SBF2: variants seen among roughly 807,000 people sequenced by gnomAD.
SBF2 encodes myotubularin-related protein 13.
SBF2 carries 112 observed loss-of-function variants against 225.2 expected under a neutral mutation model. The ratio of observed to expected loss-of-function variants is 0.50; its 90% CI spans 0.43 to 0.58. The LOEUF (loss-of-function observed/expected upper bound fraction) is 0.58. Ranked by LOEUF, SBF2 falls within the 20% of genes least tolerant of loss-of-function variation. The pLI is 0.00. For missense variants in SBF2, 1,996 were observed against 2,206.2 expected (o/e 0.90, Z 1.91); for synonymous variants, 763 against 773.3 (o/e 0.99, Z 0.22).
chr11:10,108,244 G>A (rs1952644052), intron 2 of SBF2, among the ~76,000 whole-genome samples: 1 of 152,128 alleles, frequency 6.6e-6, no homozygotes, highest in African/African-American at 2.4e-5. Flanking sequence ...ATAAATGACA[G>A]AGGCTAAGGA....
chr11:9,889,759 T>C (rs2134114491), intron 17 of SBF2, among the ~76,000 whole-genome samples: 1 of 152,304 alleles, frequency 6.6e-6, no homozygotes, highest in Non-Finnish European at 1.5e-5. Context: ...TATTGTATGA[T>C]TCCCTTTAAA....
At chr11:10,114,554 T>G (rs749900966) in intron 2 of SBF2, among the ~76,000 whole-genome samples, 1 of 152,222 alleles carries the variant, frequency 6.6e-6, no homozygotes, top group Non-Finnish European at 1.5e-5. Flanking sequence ...TGCATGATTA[T>G]AAAATACTAT....
chr11:10,081,386 G>A (rs1951357154), intron 2 of SBF2, among the ~76,000 whole-genome samples: 1 of 152,058 alleles, frequency 6.6e-6, no homozygotes, highest in African/African-American at 2.4e-5. Flanking sequence ...GAATGAAAAT[G>A]GAGACACAAC....
chr11:9,830,111 A>G (rs916992984), intron 27 of SBF2, among the ~76,000 whole-genome samples: 12 of 152,212 alleles, frequency 7.9e-5, no homozygotes, highest in African/African-American at 2.9e-4. Context: ...AAGTATACAC[A>G]ATTGTGAGAG....
chr11:9,889,753 G>T (rs1395802658), intron 17 of SBF2, among the ~76,000 whole-genome samples: 1 of 152,098 alleles, frequency 6.6e-6, no homozygotes, highest in African/African-American at 2.4e-5. Flanking sequence ...AACATATATT[G>T]TATGATTCCC....
intron 1 of SBF2, among the ~76,000 whole-genome samples, chr11:10,196,770 T>A (rs1338027641): frequency 6.7e-6 from 1 of 148,844 alleles, no homozygotes; most frequent in East Asian, 2.0e-4. Flanking sequence ...GCACCCATAA[T>A]CCCACACCTG....
intron 26 of SBF2, among the ~76,000 whole-genome samples, chr11:9,834,648 G>C (rs1056751137): frequency 5.9e-5 from 9 of 152,120 alleles, no homozygotes; most frequent in African/African-American, 2.2e-4. Flanking sequence ...CTGAATTTTT[G>C]TAATACCACA....
At chr11:9,925,572 G>A (rs954509727) in intron 16 of SBF2, among the ~76,000 whole-genome samples, 4 of 152,144 alleles carry the variant, frequency 2.6e-5, no homozygotes, top group East Asian at 3.9e-4. Context: ...CACCGTGCCC[G>A]TCCACTAATG....
At chr11:9,985,835 G>A (rs1947176570) in intron 13 of SBF2, among the ~76,000 whole-genome samples, 1 of 152,158 alleles carries the variant, frequency 6.6e-6, no homozygotes, top group Middle Eastern at 3.4e-3. Context: ...AATAATAGTG[G>A]GGGACGTCAA....
intron 6 of SBF2, among the ~76,000 whole-genome samples, chr11:10,003,009 C>A (rs1424085176): frequency 2.0e-5 from 3 of 152,134 alleles, no homozygotes; most frequent in Admixed American, 6.5e-5. Context: ...TAAAAACTAA[C>A]CCCTGCAGAG....
chr11:10,133,270 G>A lies in SBF2; in HGVS notation c.141+60632C>T, dbSNP rs2135106820. Among the ~76,000 whole-genome samples, 2 of 149,596 alleles carry A rather than the reference G, an allele frequency of 1.3e-5. 1 individual carries two copies. The highest frequency in any genetic ancestry group is 1.4e-4 in the Admixed American group (2 of 14,802). The stretch of plus-strand genomic sequence containing the variant: ...AGTGGATCCCGCGTAGGGGCTGCAG[G>A]TGGAGCTGCCTGCCAGTCCTGCGCC... On this transcript the variant is annotated intron_variant, in intron 2 of 39. Transcript: ENST00000256190.
At chr11:10,193,351 CTTT>C (rs60903141) in intron 2 of SBF2, among the ~76,000 whole-genome samples, 2 of 110,496 alleles carry the variant, frequency 1.8e-5, no homozygotes, top group African/African-American at 3.4e-5. Context: ...TCAATTTCAT[CTTT>C]TTTTTTTTTT....
chr11:9,981,689 A>G (rs973716695), intron 13 of SBF2, among the ~76,000 whole-genome samples: 1 of 138,662 alleles, frequency 7.2e-6, no homozygotes, highest in Non-Finnish European at 1.6e-5. Flanking sequence ...ATATGGCTTT[A>G]AATTTAGATC....
rs1856412503 is a variant in SBF2 at position 9,844,696 on chromosome 11, T to C, written c.3110+869A>G. Among the ~76,000 whole-genome samples the C allele has an allele frequency of 2.0e-5, 3 of 152,154 alleles. No individual in the cohort carries two copies. In the South Asian group the frequency reaches 6.2e-4, roughly 32 times the overall value. ...TAGACTCTGGGTTAGATAAAAGTTTTATATTAATTAAATTTTCTGGCTTTG... is the reference window on the plus strand; with the variant it reads ...TAGACTCTGGGTTAGATAAAAGTTTCATATTAATTAAATTTTCTGGCTTTG... On this transcript the variant is annotated intron_variant, in intron 24 of 39. Coordinates refer to ENST00000256190, the MANE Select transcript of SBF2 (RefSeq NM_030962.4).
intron 13 of SBF2, among the ~76,000 whole-genome samples, chr11:9,972,655 G>T (rs930058068): frequency 6.6e-5 from 10 of 152,212 alleles, no homozygotes; most frequent in Admixed American, 6.5e-4. Context: ...TAATTCTTTT[G>T]TATTTTTAGT....
intron 1 of SBF2, among the ~76,000 whole-genome samples, chr11:10,282,809 ACCCC>A: frequency 6.6e-6 from 1 of 151,946 alleles, no homozygotes; most frequent in Non-Finnish European, 1.5e-5. Context: ...TTTTCAACAG[ACCCC>A]ACCATCTATA....
At chr11:9,908,013 C>G (rs908130438) in intron 16 of SBF2, among the ~76,000 whole-genome samples, 1 of 152,168 alleles carries the variant, frequency 6.6e-6, no homozygotes, top group Non-Finnish European at 1.5e-5. Flanking sequence ...GAAACCTCAA[C>G]GTTCTCTTGC....
At chr11:10,187,279 C>CCTCT (rs148726419) in intron 2 of SBF2, among the ~76,000 whole-genome samples, 2 of 150,024 alleles carry the variant, frequency 1.3e-5, no homozygotes, top group Admixed American at 6.7e-5. Flanking sequence ...TCCTCTCTCT[C>CCTCT]CTCTCTCTCT....
At chr11:10,251,145 A>C (rs1960307472) in intron 1 of SBF2, among the ~76,000 whole-genome samples, 1 of 152,230 alleles carries the variant, frequency 6.6e-6, no homozygotes, top group Non-Finnish European at 1.5e-5. Context: ...ACTTTGGTAG[A>C]TAAAAGATGA....
Sources: allele counts gnomAD v4.1 joint callset (sites outside exome capture counted in the v4.1 genomes callset), GRCh38; gene constraint gnomAD v4.1.1; transcripts MANE v1.5; gene names NCBI Gene and HGNC (gene_info 2026-07-23, HGNC 2026-07-21).